Variants in SLC6A13 observed in about 807,000 individuals in gnomAD.
The protein encoded by SLC6A13 is solute carrier family 6 member 13, also known as sodium- and chloride-dependent GABA transporter 2.
In SLC6A13, 69 loss-of-function variants were observed where a neutral mutation model predicts 72.9. That is an observed-to-expected ratio of 0.95 (90% CI 0.78 to 1.16). The LOEUF (loss-of-function observed/expected upper bound fraction) is 1.16. SLC6A13 is among the 50% of genes most tolerant of loss of function. The pLI, the probability that SLC6A13 is intolerant of heterozygous loss-of-function variation, is 0.00. For synonymous variants in SLC6A13, 303 were observed against 303.0 expected (o/e 1.00, Z 0.00); for missense variants, 735 against 760.5 (o/e 0.97, Z 0.39).
intron 12 of SLC6A13, 58 bp downstream of exon 12, chr12:223,074 G>A: frequency 9.5e-7 from 1 of 1,050,344 alleles, no homozygotes; most frequent in Non-Finnish European, 1.4e-6. Flanking sequence ...CGTGTCTAAG[G>A]ACCCCAAGAC....
intron 2 of SLC6A13, among the ~76,000 whole-genome samples, chr12:249,620 C>T (rs1011672723): frequency 6.6e-6 from 1 of 152,020 alleles, no homozygotes; most frequent in Non-Finnish European, 1.5e-5. Context: ...GGTTTAAACC[C>T]ATCCCACAAA....
At chr12:221,909 C>T (rs1042607464) in intron 13 of SLC6A13, among the ~76,000 whole-genome samples, 16 of 152,238 alleles carry the variant, frequency 1.1e-4, no homozygotes, top group Admixed American at 8.5e-4. Flanking sequence ...TCCCTCTGCT[C>T]CTCAGTTATA....
At chr12:221,775 G>A (rs760018368) in intron 13 of SLC6A13, among the ~76,000 whole-genome samples, 2 of 152,206 alleles carry the variant, frequency 1.3e-5, no homozygotes, top group Non-Finnish European at 2.9e-5. Flanking sequence ...GCACCTCTAC[G>A]TGCAGCTGAC....
chr12:223,976 C>A lies in SLC6A13; in HGVS notation c.1311+16G>T. The A allele has an allele frequency of 6.2e-7, 1 of 1,612,832 alleles. No homozygotes were observed. Among genetic ancestry groups the A allele is most frequent in the Non-Finnish European group, 8.5e-7 (1 of 1,178,932 alleles). ...GCTCCTCCTCCCCAGCCTTCCCCCG[C>A]TTCCCAGGCCCTCACCTCTGTGAGC... On this transcript the variant is annotated intron_variant, in intron 11 of 14. Transcript: ENST00000343164.
intron 2 of SLC6A13, among the ~76,000 whole-genome samples, chr12:251,222 T>C (rs1162627192): frequency 6.6e-6 from 1 of 152,016 alleles, no homozygotes; most frequent in African/African-American, 2.4e-5. Flanking sequence ...ACCTGGTATT[T>C]ATATTATCCT....
At chr12:231,142 G>A (rs1221307225) in intron 7 of SLC6A13, among the ~76,000 whole-genome samples, 1 of 152,208 alleles carries the variant, frequency 6.6e-6, no homozygotes, top group Non-Finnish European at 1.5e-5. Context: ...AGAAACAAGT[G>A]GTCTGAGTAA....
intron 11 of SLC6A13, chr12:223,758 T>C: frequency 1.8e-6 from 1 of 545,374 alleles, no homozygotes; most frequent in South Asian, 2.2e-5. Flanking sequence ...CTTCACTTAC[T>C]GTGGAGCCAA....
At chr12:262,257 A>G (rs187628828) in intron 1 of SLC6A13, among the ~76,000 whole-genome samples, 82 of 152,340 alleles carry the variant, frequency 5.4e-4, no homozygotes, top group Non-Finnish European at 1.1e-3. Context: ...TGAGCTGTAG[A>G]GTCAGATGAG....
intron 7 of SLC6A13, among the ~76,000 whole-genome samples, chr12:230,695 C>G (rs1202034605): frequency 1.3e-5 from 2 of 152,068 alleles, no homozygotes; most frequent in African/African-American, 2.4e-5. Context: ...AGATAAAACC[C>G]ACGCTCCCCC....
At chr12:225,267 G>A (rs1434724149) in intron 9 of SLC6A13, among the ~76,000 whole-genome samples, 1 of 152,268 alleles carries the variant, frequency 6.6e-6, no homozygotes, top group Non-Finnish European at 1.5e-5. Flanking sequence ...TGGTGAGGTG[G>A]GGGTTGTGCA....
intron 2 of SLC6A13, among the ~76,000 whole-genome samples, chr12:252,897 A>G (rs933115939): frequency 5.3e-5 from 8 of 152,208 alleles, no homozygotes; most frequent in African/African-American, 1.9e-4. Flanking sequence ...CAAGAGGGAC[A>G]AAGTCCACAC....
chr12:241,233 G>C (rs964175197), intron 4 of SLC6A13, among the ~76,000 whole-genome samples: 1 of 152,166 alleles, frequency 6.6e-6, no homozygotes, highest in African/African-American at 2.4e-5. Context: ...AACCTGTGGG[G>C]TGGAGGTTGC....
chr12:237,817 TG>T, intron 5 of SLC6A13, 108 bp downstream of exon 5: 1 of 819,430 alleles, frequency 1.2e-6, no homozygotes. Flanking sequence ...AGCCACTTAG[TG>T]GAAATTCTTC....
In SLC6A13 at chr12:242,878, G is replaced by A. The variant is rs529406795; in HGVS notation, c.338-124C>T. 8 of 697,022 alleles carry A rather than the reference G, an allele frequency of 1.1e-5. No individual in the cohort carries two copies. In the East Asian group the frequency reaches 2.1e-4, roughly 18 times the overall value. 43.2% of individuals were successfully genotyped at this position (697,022 alleles called of 1,614,324 possible). A position where few individuals can be genotyped will look rare whatever the true frequency, so the allele number is the denominator to read the frequency against. ...GAGGCTGGGAGTTCAATTTACCATT[G>A]AGGGAAACTGCTATTTTTGTAACTC... On this transcript the variant is annotated intron_variant, in intron 3 of 14. Transcript: ENST00000343164.
At chr12:225,022 C>T (rs1175985527) in intron 9 of SLC6A13, among the ~76,000 whole-genome samples, 1 of 152,252 alleles carries the variant, frequency 6.6e-6, no homozygotes, top group African/African-American at 2.4e-5. Context: ...CCAGTTACCA[C>T]CTCTGCGCCC....
intron 2 of SLC6A13, among the ~76,000 whole-genome samples, chr12:252,780 T>C (rs913434479): frequency 1.3e-5 from 2 of 152,244 alleles, no homozygotes; most frequent in Admixed American, 6.5e-5. Context: ...CCCATATTCA[T>C]GCTTCCTGCT....
intron 2 of SLC6A13, among the ~76,000 whole-genome samples, chr12:251,434 A>G (rs1055003457): frequency 1.3e-5 from 2 of 152,178 alleles, no homozygotes; most frequent in Non-Finnish European, 2.9e-5. Flanking sequence ...CCCAGAAATG[A>G]ACTTCAACCC....
Position 260,039 on chromosome 12 carries a change from A to T in SLC6A13, c.14T>A (p.Val5Asp). Residue 5 changes from valine to aspartate, a missense_variant, in exon 2 of 15, where the codon GTC becomes GAC. Physicochemically the swap from Val to Asp is radical, Grantham distance 152. Transcript: ENST00000343164. MDSR[V>D]SGTTSNGETK... is the part of the protein sequence containing the mutation. The stretch of plus-strand genomic sequence containing the variant: ...CTCTCCATTACTGGTTGTGCCTGAG[A>T]CCCTGCTATCCATCCCACCTGGAAA... 1 of 1,613,364 alleles carries T rather than the reference A, an allele frequency of 6.2e-7. No homozygotes were observed. Among genetic ancestry groups the T allele is most frequent in the Non-Finnish European group, 8.5e-7 (1 of 1,179,458 alleles).
chr12:255,310 C>T (rs1159074616), intron 2 of SLC6A13, among the ~76,000 whole-genome samples: 60 of 152,340 alleles, frequency 3.9e-4, no homozygotes, highest in Non-Finnish European at 7.9e-4. Flanking sequence ...TTAAGGATGA[C>T]TCCAAGATTT....
Sources: gnomAD v4.1 joint callset for allele counts (sites outside exome capture counted in the v4.1 genomes callset) on GRCh38, gnomAD v4.1.1 for gene constraint, MANE v1.5 for transcripts, NCBI Gene and HGNC (gene_info 2026-07-23, HGNC 2026-07-21) for gene names.